HLCS: variants seen among roughly 807,000 people sequenced by gnomAD.
HLCS encodes holocarboxylase synthetase, also known as biotin--protein ligase.
In HLCS, 53 loss-of-function variants were observed where a neutral mutation model predicts 75.0. The observed-to-expected ratio is 0.71, with a 90% CI of 0.57 to 0.89. The LOEUF (loss-of-function observed/expected upper bound fraction) is 0.89. HLCS is among the 40% of genes least tolerant of loss of function. HLCS has a pLI of 0.00. For missense variants in HLCS, 966 were observed against 1,074.0 expected, an observed-to-expected ratio of 0.90 and a Z score of 1.41; for synonymous variants, 431 against 428.6, an observed-to-expected ratio of 1.01 and a Z score of -0.07.
chr21:36,805,204 T>C (rs57777181), intron 6 of HLCS, among the ~76,000 whole-genome samples: 1,777 of 152,236 alleles, frequency 0.012, 46 homozygotes, highest in African/African-American at 0.041. Context: ...TTGGGAAATA[T>C]GAAGTTGGCA....
At chr21:36,954,565 G>A (rs1439859301) in intron 2 of HLCS, among the ~76,000 whole-genome samples, 3 of 148,896 alleles carry the variant, frequency 2.0e-5, no homozygotes, top group Middle Eastern at 3.9e-3. Context: ...GCAGCGAGCC[G>A]AGATGCGCCA....
At chr21:36,772,681 G>GT (rs113810315) in intron 6 of HLCS, among the ~76,000 whole-genome samples, 236 of 150,566 alleles carry the variant, frequency 1.6e-3, no homozygotes, top group African/African-American at 5.5e-3. Flanking sequence ...ATTAACAGTG[G>GT]TTATCTCAAG....
At chr21:36,820,137 G>A (rs1279931685) in intron 6 of HLCS, among the ~76,000 whole-genome samples, 4 of 152,300 alleles carry the variant, frequency 2.6e-5, no homozygotes, top group Middle Eastern at 3.4e-3. Flanking sequence ...TGAGGCAAAG[G>A]AAGGGGCAGG....
intron 1 of HLCS, among the ~76,000 whole-genome samples, chr21:36,979,212 CAG>C (rs1441058075): frequency 1.3e-5 from 2 of 149,690 alleles, no homozygotes; most frequent in Non-Finnish European, 3.0e-5. Flanking sequence ...GCGGAGCTTG[CAG>C]TGAGCCAAGA....
chr21:36,812,618 G>A (rs2145966508), intron 6 of HLCS, among the ~76,000 whole-genome samples: 1 of 152,104 alleles, frequency 6.6e-6, no homozygotes, highest in East Asian at 1.9e-4. Context: ...AACAGACACT[G>A]TACTCTTCAC....
At chr21:36,859,242 CA>C (rs1417944749) in intron 6 of HLCS, among the ~76,000 whole-genome samples, 1 of 152,144 alleles carries the variant, frequency 6.6e-6, no homozygotes, top group Non-Finnish European at 1.5e-5. Context: ...AGGCTGGTCT[CA>C]AACTCCTGAC....
chr21:36,850,160 C>G (rs576354022), intron 6 of HLCS, among the ~76,000 whole-genome samples: 10 of 152,310 alleles, frequency 6.6e-5, no homozygotes, highest in African/African-American at 1.9e-4. Flanking sequence ...ACTTTCCTGT[C>G]AAAGGCTTAA....
Position 36,868,274 on chromosome 21 carries a change from G to GGAAAGAAA in HLCS, c.1892+28578_1892+28585dup, listed in dbSNP as rs140104266. Among the ~76,000 whole-genome samples the GGAAAGAAA allele has an allele frequency of 4.3e-3, 578 of 135,452 alleles. 8 individuals are homozygous for GGAAAGAAA. Among genetic ancestry groups the GGAAAGAAA allele is most frequent in the African/African-American group, 0.013 (420 of 32,178 alleles). 88.9% of individuals were successfully genotyped at this position (135,452 alleles called of 152,430 possible). The stretch of plus-strand genomic sequence containing the variant: ...AAGAAAGAGAGAAGGAAGGAAGGAA[G>GGAAAGAAA]GAAAGAAAGAAAGAAAGAAAAAGAA... On this transcript the variant is annotated intron_variant, in intron 6 of 10. Coordinates refer to ENST00000674895, the MANE Select transcript of HLCS (RefSeq NM_001352514.2).
intron 6 of HLCS, among the ~76,000 whole-genome samples, chr21:36,767,883 C>T (rs778519347): frequency 2.6e-5 from 4 of 152,184 alleles, no homozygotes; most frequent in Non-Finnish European, 5.9e-5. Context: ...CGGCTTCAGT[C>T]CTGCTTTTAA....
chr21:36,860,358 CCCCT>C (rs1453794962), intron 6 of HLCS, among the ~76,000 whole-genome samples: 17 of 152,046 alleles, frequency 1.1e-4, no homozygotes, highest in African/African-American at 4.1e-4. Flanking sequence ...GGAAGCCACA[CCCCT>C]CCAGGAAGCC....
At chr21:36,897,774 G>A (rs980504281) in intron 5 of HLCS, among the ~76,000 whole-genome samples, 6 of 152,180 alleles carry the variant, frequency 3.9e-5, no homozygotes, top group Admixed American at 1.3e-4. Flanking sequence ...TAGAAGAGAC[G>A]TTGTCCAATC....
At chr21:36,887,088 C>A (rs2064502817) in intron 6 of HLCS, among the ~76,000 whole-genome samples, 1 of 151,098 alleles carries the variant, frequency 6.6e-6, no homozygotes, top group Non-Finnish European at 1.5e-5. Flanking sequence ...CAAGATCCTG[C>A]CACTGCACTC....
chr21:36,841,051 T>C (rs931874017), intron 6 of HLCS, among the ~76,000 whole-genome samples: 9 of 152,324 alleles, frequency 5.9e-5, no homozygotes, highest in African/African-American at 2.2e-4. Flanking sequence ...ATATAAATTA[T>C]ACCTCAATTA....
chr21:36,975,868 G>A (rs531249936), intron 1 of HLCS, among the ~76,000 whole-genome samples: 6 of 152,166 alleles, frequency 3.9e-5, no homozygotes, highest in Admixed American at 1.3e-4. Flanking sequence ...TGCACCTCCT[G>A]CACACGAGGT....
intron 5 of HLCS, among the ~76,000 whole-genome samples, chr21:36,905,093 G>A (rs1026437111): frequency 3.9e-5 from 6 of 152,144 alleles, no homozygotes; most frequent in Admixed American, 2.6e-4. Context: ...CACTTATCAC[G>A]ACTATACATA....
chr21:36,758,985 A>G (rs1437079248), intron 9 of HLCS, among the ~76,000 whole-genome samples: 1 of 136,976 alleles, frequency 7.3e-6, no homozygotes, highest in East Asian at 2.1e-4. Context: ...CTCCATTTCA[A>G]AAAAAAAAAA....
At chr21:36,775,624 C>T (rs1399005840) in intron 6 of HLCS, among the ~76,000 whole-genome samples, 4 of 152,272 alleles carry the variant, frequency 2.6e-5, no homozygotes, top group South Asian at 2.1e-4. Context: ...CCCACTCCTC[C>T]GCCAGGAGTC....
chr21:36,855,110 C>CA (rs2063141603), intron 6 of HLCS, among the ~76,000 whole-genome samples: 1 of 152,076 alleles, frequency 6.6e-6, no homozygotes, highest in South Asian at 2.1e-4. Context: ...GTGTCTATTT[C>CA]ATCACATCTT....
intron 6 of HLCS, among the ~76,000 whole-genome samples, chr21:36,827,231 T>C (rs2062035509): frequency 6.6e-6 from 1 of 152,010 alleles, no homozygotes; most frequent in African/African-American, 2.4e-5. Flanking sequence ...TGAAGGCCAT[T>C]AGATGTTCTT....
Sources: allele counts gnomAD v4.1 joint callset (sites outside exome capture counted in the v4.1 genomes callset), GRCh38; gene constraint gnomAD v4.1.1; transcripts MANE v1.5; gene names NCBI Gene and HGNC (gene_info 2026-07-23, HGNC 2026-07-21).